TANC1: variants seen among roughly 807,000 people sequenced by gnomAD.
TANC1 encodes tetratricopeptide repeat, ankyrin repeat and coiled-coil containing 1.
A neutral mutation model predicts 149.7 loss-of-function variants in TANC1; 77 were observed. The observed-to-expected ratio is 0.51, with a 90% CI of 0.43 to 0.62. The LOEUF (loss-of-function observed/expected upper bound fraction) is 0.62, where lower values mean the gene tolerates loss of function less well. Among genes scored for constraint, TANC1 ranks in the 20% least tolerant of loss-of-function variants. The pLI, the probability that TANC1 is intolerant of heterozygous loss-of-function variation, is 0.00. For missense variants in TANC1, 1,985 were observed against 2,321.8 expected, an observed-to-expected ratio of 0.85 and a Z score of 2.98; for synonymous variants, 854 against 925.0, an observed-to-expected ratio of 0.92 and a Z score of 1.39.
intron 3 of TANC1, among the ~76,000 whole-genome samples, chr2:159,074,444 G>T (rs1345862745): frequency 1.3e-5 from 2 of 152,156 alleles, no homozygotes; most frequent in Non-Finnish European, 2.9e-5. Context: ...TGTAGATCAC[G>T]AAACTGGCTG....
At chr2:159,220,687 C>T (rs936646416) in intron 22 of TANC1, among the ~76,000 whole-genome samples, 2 of 151,288 alleles carry the variant, frequency 1.3e-5, no homozygotes, top group Non-Finnish European at 2.9e-5. Context: ...TTCTCCTGGT[C>T]TCAAGAGGTC....
rs375332498 is a variant in TANC1, at chr2:159,150,326, T to A, written c.496-44T>A. ...AAAAACAAAAGCATGTGTCGAAGCA[T>A]CCTGTGTAAGCCGTGCTAACTCCTC... On this transcript the variant is annotated intron_variant, in intron 6 of 26. Coordinates refer to ENST00000263635, the MANE Select transcript of TANC1 (RefSeq NM_033394.3). 1.2e-5 allele frequency: 19 copies of A among 1,526,304 alleles called. No homozygotes were observed. The African/African-American group carries it at 2.5e-4, about 20-fold the overall frequency. The allele number at this position is 1,526,304 out of a possible 1,614,324, so 94.5% of individuals were successfully genotyped here.
chr2:159,023,183 G>C (rs1209342201), intron 2 of TANC1, among the ~76,000 whole-genome samples: 1 of 151,910 alleles, frequency 6.6e-6, no homozygotes, highest in Non-Finnish European at 1.5e-5. Context: ...TTTTGTGTGT[G>C]GTCTTGGGGA....
intron 2 of TANC1, among the ~76,000 whole-genome samples, chr2:159,049,381 A>G (rs2149581513): frequency 6.6e-6 from 1 of 151,974 alleles, no homozygotes; most frequent in East Asian, 1.9e-4. Context: ...GTTAGGATTC[A>G]AGAAGAATTT....
intron 4 of TANC1, among the ~76,000 whole-genome samples, chr2:159,117,609 G>T (rs2048398284): frequency 6.6e-6 from 1 of 151,450 alleles, no homozygotes; most frequent in South Asian, 2.1e-4. Context: ...TGTTGGCCAG[G>T]ATGGTCTCAA....
At chr2:159,098,356 AT>A (rs2149919445) in intron 4 of TANC1, among the ~76,000 whole-genome samples, 1 of 152,334 alleles carries the variant, frequency 6.6e-6, no homozygotes, top group South Asian at 2.1e-4. Flanking sequence ...GCCTAGGTAT[AT>A]AGTAGGCTAT....
intron 5 of TANC1, among the ~76,000 whole-genome samples, chr2:159,143,076 A>AC (rs2051584097): frequency 3.8e-5 from 2 of 52,498 alleles, no homozygotes; most frequent in Non-Finnish European, 9.1e-5. Flanking sequence ...AAAAAAAAAA[A>AC]AACAACAAAA....
intron 2 of TANC1, chr2:159,004,087 A>C: frequency 6.2e-7 from 1 of 1,612,118 alleles, no homozygotes; most frequent in Non-Finnish European, 8.5e-7. Context: ...CTTTCTGCTA[A>C]TACCTTTGCA....
intron 1 of TANC1, among the ~76,000 whole-genome samples, chr2:159,000,401 G>C (rs147788530): frequency 4.8e-3 from 729 of 152,176 alleles, no homozygotes; most frequent in Non-Finnish European, 8.5e-3. Flanking sequence ...GGAGGGAGGA[G>C]AATGACAAAA....
chr2:159,205,839 G>GT (rs1217416178), intron 19 of TANC1, among the ~76,000 whole-genome samples: 1 of 152,234 alleles, frequency 6.6e-6, no homozygotes. Flanking sequence ...GAAGGAAAGC[G>GT]TTTGCCCATG....
intron 7 of TANC1, among the ~76,000 whole-genome samples, chr2:159,161,639 A>G (rs1448584141): frequency 6.6e-6 from 1 of 152,234 alleles, no homozygotes; most frequent in Non-Finnish European, 1.5e-5. Flanking sequence ...CACCATTGGC[A>G]TTTTTATGAT....
intron 5 of TANC1, among the ~76,000 whole-genome samples, chr2:159,139,697 T>C (rs1278331998): frequency 6.6e-6 from 1 of 152,194 alleles, no homozygotes; most frequent in East Asian, 1.9e-4. Flanking sequence ...CAAAATATGA[T>C]GAAACTTTTT....
At chr2:159,218,143 T>C (rs920364142) in intron 20 of TANC1, among the ~76,000 whole-genome samples, 1 of 152,190 alleles carries the variant, frequency 6.6e-6, no homozygotes, top group African/African-American at 2.4e-5. Flanking sequence ...GAGCAGGGAA[T>C]CCTTGCTCCT....
intron 1 of TANC1, among the ~76,000 whole-genome samples, chr2:158,982,671 A>T (rs2034514255): frequency 6.6e-6 from 1 of 152,368 alleles, no homozygotes; most frequent in Non-Finnish European, 1.5e-5. Flanking sequence ...GCAGTGGCAC[A>T]GTCTTGGCTC....
intron 2 of TANC1, among the ~76,000 whole-genome samples, chr2:159,059,318 A>T (rs1482574848): frequency 6.6e-6 from 1 of 152,126 alleles, no homozygotes; most frequent in Non-Finnish European, 1.5e-5. Flanking sequence ...AGCCTGGGCA[A>T]CCTAATGAGA....
intron 19 of TANC1, among the ~76,000 whole-genome samples, chr2:159,206,753 A>G (rs2058632657): frequency 6.6e-6 from 1 of 152,148 alleles, no homozygotes; most frequent in African/African-American, 2.4e-5. Flanking sequence ...GTTGTGTAAA[A>G]TGCTTTTGTG....
intron 1 of TANC1, among the ~76,000 whole-genome samples, chr2:158,970,943 C>T (rs1413905819): frequency 6.6e-6 from 1 of 152,152 alleles, no homozygotes; most frequent in Non-Finnish European, 1.5e-5. Flanking sequence ...GTTTAACCAC[C>T]AGAATGCCCA....
In TANC1 at chr2:159,229,474, C is replaced by T. The variant is rs1254092979; in HGVS notation, c.4152-104C>T. 2.5e-5 allele frequency: 26 copies of T among 1,021,202 alleles called. No individual in the cohort carries two copies. In the East Asian group the frequency reaches 6.8e-4, roughly 27 times the overall value. 63.3% of individuals were successfully genotyped at this position (1,021,202 alleles called of 1,614,324 possible). ...CACCACCGTAAGTGTTCAAAACTCA[C>T]TTGCTACCTTCTCTTTCCTTTGAGC... On this transcript the variant is annotated intron_variant, in intron 26 of 26. Transcript: ENST00000263635.
chr2:159,008,684 T>G (rs2037462246), intron 2 of TANC1, among the ~76,000 whole-genome samples: 1 of 152,254 alleles, frequency 6.6e-6, no homozygotes, highest in Admixed American at 6.5e-5. Flanking sequence ...ATGCTTTCAA[T>G]TCTCTTTTAC....
Sources: gnomAD v4.1 joint callset for allele counts (sites outside exome capture counted in the v4.1 genomes callset) on GRCh38, gnomAD v4.1.1 for gene constraint, MANE v1.5 for transcripts, NCBI Gene and HGNC (gene_info 2026-07-23, HGNC 2026-07-21) for gene names.